The following OSBP2 variants were observed in gnomAD, a reference collection of about 807,000 sequenced individuals.
The protein encoded by OSBP2 is oxysterol-binding protein 2.
A neutral mutation model predicts 96.0 loss-of-function variants in OSBP2; 66 were observed. That is an observed-to-expected ratio of 0.69 (90% CI 0.56 to 0.84). OSBP2 has a LOEUF of 0.84. Ranked by LOEUF, OSBP2 falls within the 40% of genes least tolerant of loss-of-function variation. The probability of loss-of-function intolerance (pLI) is 0.00; values close to 1 mark genes in which losing one functional copy is unlikely to be tolerated. For missense variants in OSBP2, 1,038 were observed against 1,222.7 expected (o/e 0.85, Z 2.25); for synonymous variants, 525 against 520.9 (o/e 1.01, Z -0.11).
rs569038985 is a variant in OSBP2, at chr22:30,853,722, A to T, written c.854-16707A>T. ...CCATTCCTGTTGTTTTTAGTGTTAA[A>T]TTTTTTTTCTTCTACTAGCTCATAA... On this transcript the variant is annotated intron_variant, in intron 2 of 13. Coordinates refer to ENST00000332585, the MANE Select transcript of OSBP2 (RefSeq NM_030758.4). Among the ~76,000 whole-genome samples, 21 of 149,320 alleles carry T rather than the reference A, an allele frequency of 1.4e-4. No homozygotes were observed. The East Asian group carries it at 3.5e-3, about 25-fold the overall frequency.
chr22:30,771,161 C>T (rs933464138), intron 2 of OSBP2, among the ~76,000 whole-genome samples: 9 of 152,226 alleles, frequency 5.9e-5, no homozygotes, highest in South Asian at 2.1e-4. Flanking sequence ...TCCCTGCCAT[C>T]GGCAGGAGGG....
chr22:30,887,702 C>A, intron 4 of OSBP2, 84 bp downstream of exon 4: 1 of 1,210,456 alleles, frequency 8.3e-7, no homozygotes, highest in Non-Finnish European at 1.1e-6. Context: ...CCCACATGCA[C>A]ATCCCTGGCT....
chr22:30,872,040 A>T (rs547890747), intron 3 of OSBP2, among the ~76,000 whole-genome samples: 1 of 152,312 alleles, frequency 6.6e-6, no homozygotes, highest in Admixed American at 6.5e-5. Flanking sequence ...TCAGCTCAGC[A>T]GGTGTGTGCA....
chr22:30,892,645 C>T lies in OSBP2; in HGVS notation c.1870-477C>T, dbSNP rs1463691566. Among the ~76,000 whole-genome samples, 4 of 152,122 alleles carry T rather than the reference C, an allele frequency of 2.6e-5. No homozygotes were observed. In the East Asian group the frequency reaches 7.7e-4, roughly 29 times the overall value. ...CCGGGGCAGTGCATCGATGTGGATG[C>T]CTGCTCTGGAGCCAGGCTGGCCAGA... On this transcript the variant is annotated intron_variant, in intron 8 of 13. Coordinates refer to ENST00000332585, the MANE Select transcript of OSBP2 (RefSeq NM_030758.4).
intron 1 of OSBP2, among the ~76,000 whole-genome samples, chr22:30,726,446 C>T (rs1255487109): frequency 4.0e-5 from 6 of 151,390 alleles, no homozygotes; most frequent in East Asian, 1.9e-4. Context: ...CACATGGACA[C>T]GGGGAGGGGA....
intron 2 of OSBP2, among the ~76,000 whole-genome samples, chr22:30,751,931 G>A (rs1013959071): frequency 5.3e-5 from 8 of 152,210 alleles, no homozygotes; most frequent in Non-Finnish European, 8.8e-5. Flanking sequence ...CATGCTGCTT[G>A]TGGCTGCAGG....
chr22:30,710,535 T>A (rs1331554839), intron 1 of OSBP2, among the ~76,000 whole-genome samples: 1 of 152,134 alleles, frequency 6.6e-6, no homozygotes, highest in Non-Finnish European at 1.5e-5. Context: ...CCTGATAGAA[T>A]TAGTGTTTAA....
chr22:30,819,315 A>G (rs2091119629), intron 2 of OSBP2, among the ~76,000 whole-genome samples: 3 of 152,202 alleles, frequency 2.0e-5, no homozygotes, highest in African/African-American at 7.2e-5. Flanking sequence ...AGCCTGGATG[A>G]CAGAGGGAGA....
At chr22:30,766,641 C>A (rs911535333) in intron 2 of OSBP2, among the ~76,000 whole-genome samples, 26 of 152,124 alleles carry the variant, frequency 1.7e-4, no homozygotes, top group African/African-American at 6.3e-4. Flanking sequence ...CCTTCAAACT[C>A]TTCTCTGCCC....
At chr22:30,791,627 C>T (rs1217421225) in intron 2 of OSBP2, among the ~76,000 whole-genome samples, 2 of 152,108 alleles carry the variant, frequency 1.3e-5, no homozygotes, top group Admixed American at 1.3e-4. Context: ...GTGCCCCGCT[C>T]ATATTGGGGC....
chr22:30,825,864 C>T (rs574408238), intron 2 of OSBP2, among the ~76,000 whole-genome samples: 146 of 152,244 alleles, frequency 9.6e-4, no homozygotes, highest in Admixed American at 1.8e-3. Context: ...CTCTGATTTT[C>T]CCGGTGGAGA....
chr22:30,752,615 C>A lies in OSBP2; in HGVS notation c.853+11246C>A, dbSNP rs147325488. Among the ~76,000 whole-genome samples the A allele has an allele frequency of 7.2e-5, 11 of 152,000 alleles. No individual in the cohort carries two copies. The East Asian group carries it at 2.1e-3, about 29-fold the overall frequency. On this transcript the variant is annotated intron_variant, in intron 2 of 13. Coordinates refer to ENST00000332585, the MANE Select transcript of OSBP2 (RefSeq NM_030758.4). Reference sequence around the variant, plus strand: ...CAGGGTTCTTATTATGCAGATGAAGCCTCCAAGTAGCAGGCTTCAGAGAGA... The same window carrying A: ...CAGGGTTCTTATTATGCAGATGAAGACTCCAAGTAGCAGGCTTCAGAGAGA...
At chr22:30,894,360 T>C (rs917300350) in intron 12 of OSBP2, 3 of 222,188 alleles carry the variant, frequency 1.4e-5, no homozygotes, top group South Asian at 1.6e-4. Flanking sequence ...GAAAAAAAAA[T>C]GACTGACATT....
chr22:30,887,337 T>C (rs4820912), intron 3 of OSBP2, 89 bp from the exon 4 acceptor site: 13,319 of 1,103,270 alleles, frequency 0.012, 271 homozygotes, highest in African/African-American at 0.076. Context: ...AGCTCCTGTT[T>C]AAGGTGGAGT....
In OSBP2 at chr22:30,870,386, C is replaced by A; in HGVS notation, c.854-43C>A. The A allele has an allele frequency of 1.9e-6, 3 of 1,605,244 alleles. No homozygotes were observed. The highest frequency in any genetic ancestry group is 2.6e-6 in the Non-Finnish European group (3 of 1,176,466). On this transcript the variant is annotated intron_variant, in intron 2 of 13. Transcript: ENST00000332585. This position sits in a 1 kb window ranked among gnomAD's most constrained non-coding sequence, Gnocchi z 4.1. ...TGGCTGTGCAGGCCTCTTGGTACCA[C>A]GTCTGTTCGTAATGACCGTAACAAC... is the stretch of plus-strand genomic sequence containing the variant.
intron 12 of OSBP2, among the ~76,000 whole-genome samples, chr22:30,903,485 T>C (rs551606598): frequency 1.3e-5 from 2 of 152,270 alleles, no homozygotes; most frequent in South Asian, 2.1e-4. Flanking sequence ...GAGCTGAAAG[T>C]GGAGACCGTG....
At chr22:30,789,777 C>T (rs909998331) in intron 2 of OSBP2, among the ~76,000 whole-genome samples, 4 of 152,142 alleles carry the variant, frequency 2.6e-5, no homozygotes, top group African/African-American at 9.7e-5. Context: ...CAATTCCAGC[C>T]CCAAGAGCAC....
chr22:30,823,586 T>C (rs1418498323), intron 2 of OSBP2, among the ~76,000 whole-genome samples: 4 of 152,268 alleles, frequency 2.6e-5, no homozygotes, highest in African/African-American at 9.6e-5. Flanking sequence ...TTACTGGTTA[T>C]GCTAATGGCT....
At chr22:30,837,587 G>A (rs938261882) in intron 2 of OSBP2, among the ~76,000 whole-genome samples, 1 of 152,186 alleles carries the variant, frequency 6.6e-6, no homozygotes, top group African/African-American at 2.4e-5. Context: ...GGAGTCCATT[G>A]TCATTCCAAA....
Sources: gnomAD v4.1 joint callset for allele counts (sites outside exome capture counted in the v4.1 genomes callset) on GRCh38, gnomAD v4.1.1 for gene constraint, Gnocchi (gnomAD v3.1) non-coding constraint, MANE v1.5 for transcripts, NCBI Gene and HGNC (gene_info 2026-07-23, HGNC 2026-07-21) for gene names.